ADAM17: variants seen among roughly 807,000 people sequenced by gnomAD.
ADAM17 encodes the protein ADAM metallopeptidase domain 17.
In ADAM17, 39 loss-of-function variants were observed where a neutral mutation model predicts 96.7. The ratio of observed to expected loss-of-function variants is 0.40; its 90% CI spans 0.31 to 0.53. ADAM17 has a LOEUF of 0.53. Among genes scored for constraint, ADAM17 ranks in the 20% least tolerant of loss-of-function variants. The pLI, the probability that ADAM17 is intolerant of heterozygous loss-of-function variation, is 0.44. For missense variants in ADAM17, 777 were observed against 1,013.2 expected (o/e 0.77, Z 3.17); for synonymous variants, 344 against 359.2 (o/e 0.96, Z 0.48).
At chr2:9,527,050 T>C (rs1181562534) in intron 5 of ADAM17, among the ~76,000 whole-genome samples, 1 of 152,174 alleles carries the variant, frequency 6.6e-6, no homozygotes, top group Admixed American at 6.5e-5. Context: ...TGGCCGGGCA[T>C]GTTGGTGCAC....
At chr2:9,527,232 G>A (rs1664564514) in intron 5 of ADAM17, among the ~76,000 whole-genome samples, 1 of 152,084 alleles carries the variant, frequency 6.6e-6, no homozygotes, top group Non-Finnish European at 1.5e-5. Context: ...TGAGGCAGGA[G>A]AATCACCTGA....
intron 4 of ADAM17, among the ~76,000 whole-genome samples, chr2:9,532,835 G>C (rs1385621918): frequency 6.6e-6 from 1 of 151,966 alleles, no homozygotes; most frequent in Non-Finnish European, 1.5e-5. Context: ...TTTGTACTTA[G>C]TGAAACAAAG....
Position 9,542,956 on chromosome 2 carries a change from C to G in ADAM17, c.230+197G>C, listed in dbSNP as rs139017973. ...CAAGCAATCCACATGTCTTGGCCCCCCAAAGTGCTCGGATTATAGGCGTGA... is the reference window on the plus strand; with the variant it reads ...CAAGCAATCCACATGTCTTGGCCCCGCAAAGTGCTCGGATTATAGGCGTGA... On this transcript the variant is annotated intron_variant, in intron 2 of 18. Coordinates refer to ENST00000310823, the MANE Select transcript of ADAM17 (RefSeq NM_003183.6). Among the ~76,000 whole-genome samples the G allele has an allele frequency of 3.9e-3, 600 of 152,304 alleles. 3 individuals are homozygous for G. The highest frequency in any genetic ancestry group is 0.014 in the African/African-American group (562 of 41,566).
chr2:9,521,168 G>A (rs1229659479), intron 8 of ADAM17, 35 bp downstream of exon 8: 4 of 1,445,830 alleles, frequency 2.8e-6, no homozygotes, highest in African/African-American at 1.4e-5. Context: ...ATGACAAAGT[G>A]GTGTTAGCAC....
rs538641406 is a variant in ADAM17 at position 9,512,818 on chromosome 2, A to C, written c.1192-2687T>G. 3.2e-3 allele frequency among the ~76,000 whole-genome samples: 483 copies of C among 152,248 alleles called. 13 individuals are homozygous for C. Among genetic ancestry groups the C allele is most frequent in the Middle Eastern group, 0.01 (3 of 294 alleles). On this transcript the variant is annotated intron_variant, in intron 10 of 18. Coordinates refer to ENST00000310823, the MANE Select transcript of ADAM17 (RefSeq NM_003183.6). ...AAGCCTCCATAAAATCTCAAAAAACAGGATTCAGAGAGCTTCCAGAGAGCA... is the reference window on the plus strand; with the variant it reads ...AAGCCTCCATAAAATCTCAAAAAACCGGATTCAGAGAGCTTCCAGAGAGCA...
At chr2:9,513,134 A>G (rs1436615306) in intron 10 of ADAM17, among the ~76,000 whole-genome samples, 1 of 152,110 alleles carries the variant, frequency 6.6e-6, no homozygotes, top group Non-Finnish European at 1.5e-5. Context: ...GGCTGAGATT[A>G]TAGGCATGCA....
chr2:9,511,343 G>A (rs902634873), intron 10 of ADAM17, among the ~76,000 whole-genome samples: 153 of 152,192 alleles, frequency 1.0e-3, no homozygotes, highest in African/African-American at 3.5e-3. Context: ...CCGGCTACTC[G>A]GGAGGCTGAG....
At chr2:9,502,372 C>G (rs946228914) in intron 12 of ADAM17, 96 bp from the exon 13 acceptor site, 3 of 1,048,816 alleles carry the variant, frequency 2.9e-6, no homozygotes, top group African/African-American at 1.6e-5. Context: ...TGAAGATCAC[C>G]GGGGAAGACC....
intron 1 of ADAM17, among the ~76,000 whole-genome samples, chr2:9,549,468 C>T (rs1241457642): frequency 6.6e-6 from 1 of 152,154 alleles, no homozygotes; most frequent in Admixed American, 6.5e-5. Context: ...CCGTCCCACA[C>T]GTATTTAAGA....
intron 17 of ADAM17, among the ~76,000 whole-genome samples, chr2:9,492,174 G>A (rs532594672): frequency 6.6e-6 from 1 of 152,334 alleles, no homozygotes; most frequent in South Asian, 2.1e-4. Context: ...TCATAGGAAG[G>A]CCACTATGAA....
At chr2:9,543,087 C>CTTT in intron 2 of ADAM17, 66 bp downstream of exon 2, 1 of 1,458,336 alleles carries the variant, frequency 6.9e-7, no homozygotes, top group Non-Finnish European at 9.1e-7. Flanking sequence ...GATACCCTTA[C>CTTT]TTTTTTGTTT....
intron 14 of ADAM17, 181 bp from the exon 15 acceptor site, chr2:9,494,948 G>C: frequency 1.6e-6 from 1 of 615,294 alleles, no homozygotes; most frequent in East Asian, 3.1e-5. Flanking sequence ...ACACTCCTCA[G>C]CCTTCAGTGA....
Position 9,526,149 on chromosome 2 carries a change from T to A in ADAM17, c.715A>T (p.Met239Leu). Residue 239 changes from methionine (M) to leucine (L), a missense_variant, in exon 6 of 19, where the codon ATG becomes TTG. By Grantham distance (15) the Met-to-Leu change is conservative. Transcript: ENST00000310823. ...VVADHRFYRY[M>L]GRGEESTTTN... ...GTTGTACTCTCTTCCCCTCTGCCCA[T>A]GTATCTGTAGAAGCGATGATCTGCT... 2 of 1,613,780 alleles carry A rather than the reference T, an allele frequency of 1.2e-6. No individual in the cohort carries two copies. Among genetic ancestry groups the A allele is most frequent in the Non-Finnish European group, 8.5e-7 (1 of 1,179,792 alleles).
Position 9,521,272 on chromosome 2 carries a change from C to T in ADAM17, c.888G>A (p.Lys296=), listed in dbSNP as rs1415492345. The T allele has an allele frequency of 1.9e-6, 3 of 1,612,632 alleles. No homozygotes were observed. In the South Asian group the frequency reaches 3.3e-5, roughly 18 times the overall value. The change falls in exon 8 of 19, where the codon AAG becomes AAA. Residue 296 remains lysine, a synonymous_variant. Coordinates refer to ENST00000310823, the MANE Select transcript of ADAM17 (RefSeq NM_003183.6). The stretch of plus-strand genomic sequence containing the variant: ...GGTAACTTTTTGCCATGTTGTAGTG[C>T]TTTTCACCAGGTTTTACCTCTTGTG... The part of the protein sequence containing the change: ...KSPQEVKPGE[K]HYNMAKSYPN...
At chr2:9,553,439 C>T (rs1046304662) in intron 1 of ADAM17, among the ~76,000 whole-genome samples, 4 of 151,498 alleles carry the variant, frequency 2.6e-5, no homozygotes, top group Admixed American at 2.0e-4. Flanking sequence ...TTTGGGAGGC[C>T]GAGGTGTGCT....
intron 2 of ADAM17, among the ~76,000 whole-genome samples, chr2:9,538,771 T>A (rs1297542560): frequency 1.3e-5 from 2 of 152,230 alleles, no homozygotes; most frequent in African/African-American, 2.4e-5. Flanking sequence ...TCAAAATTTC[T>A]TTTACTTTAT....
At chr2:9,516,660 G>A (rs1057259348) in intron 10 of ADAM17, among the ~76,000 whole-genome samples, 2 of 152,068 alleles carry the variant, frequency 1.3e-5, no homozygotes, top group African/African-American at 4.8e-5. Context: ...GGTTGAAGCA[G>A]GAGAACTGCT....
chr2:9,542,018 C>T (rs531956298), intron 2 of ADAM17, among the ~76,000 whole-genome samples: 4 of 152,214 alleles, frequency 2.6e-5, no homozygotes, highest in East Asian at 1.9e-4. Context: ...CCAGCCTGGA[C>T]GACAGAGCAA....
At chr2:9,498,043 C>G (rs991205683) in intron 13 of ADAM17, among the ~76,000 whole-genome samples, 4 of 151,998 alleles carry the variant, frequency 2.6e-5, no homozygotes, top group African/African-American at 9.7e-5. Flanking sequence ...TTTTATTTTT[C>G]TTTTGAGACA....
Sources: allele counts gnomAD v4.1 joint callset (sites outside exome capture counted in the v4.1 genomes callset), GRCh38; gene constraint gnomAD v4.1.1; transcripts MANE v1.5; gene names NCBI Gene and HGNC (gene_info 2026-07-23, HGNC 2026-07-21).